The following SNX27 variants were observed in gnomAD, a reference collection of about 807,000 sequenced individuals.
SNX27 encodes sorting nexin-27.
SNX27 carries 22 observed loss-of-function variants against 71.6 expected under a neutral mutation model. The ratio of observed to expected loss-of-function variants is 0.31; its 90% CI spans 0.22 to 0.44. The LOEUF is 0.44. Among genes scored for constraint, SNX27 ranks in the 20% least tolerant of loss-of-function variants. The probability of loss-of-function intolerance (pLI) is 1.00; values close to 1 mark genes in which losing one functional copy is unlikely to be tolerated. For synonymous variants in SNX27, 269 were observed against 277.2 expected (o/e 0.97, Z 0.29); for missense variants, 531 against 698.6 (o/e 0.76, Z 2.70).
Position 151,634,188 on chromosome 1 carries a change from A to C in SNX27, c.312-4700A>C, listed in dbSNP as rs142277207. On this transcript the variant is annotated intron_variant, in intron 1 of 11. Coordinates refer to ENST00000458013, the MANE Select transcript of SNX27 (RefSeq NM_001330723.2). ...AGACATGTAGCCATTGTGTAGGCAT[A>C]TAGCCATCTACAAAATTGAAATGTA... 2.0e-5 allele frequency among the ~76,000 whole-genome samples: 3 copies of C among 152,340 alleles called. No individual in the cohort carries two copies. The East Asian group carries it at 5.8e-4, about 29-fold the overall frequency.
At chr1:151,626,817 G>A in intron 1 of SNX27, among the ~76,000 whole-genome samples, 1 of 152,154 alleles carries the variant, frequency 6.6e-6, no homozygotes, top group Middle Eastern at 3.2e-3. Flanking sequence ...TTGTATTTAG[G>A]CAGTTGCTAA....
rs949670727 is a variant in SNX27, at chr1:151,615,357, CT to C, written c.311+2856del. On this transcript the variant is annotated intron_variant, in intron 1 of 11. Coordinates refer to ENST00000458013, the MANE Select transcript of SNX27 (RefSeq NM_001330723.2). ...CAACTATACAGTGTCTTTCTCTTTTCTTTTTTTTTTTCTTCCTTTCTTCGAT... is the reference window on the plus strand; with the variant it reads ...CAACTATACAGTGTCTTTCTCTTTTCTTTTTTTTTTCTTCCTTTCTTCGAT... Among the ~76,000 whole-genome samples the C allele has an allele frequency of 1.3e-3, 195 of 147,198 alleles. 2 individuals are homozygous for C. Among genetic ancestry groups the C allele is most frequent in the African/African-American group, 4.3e-3 (175 of 40,402 alleles).
intron 5 of SNX27, chr1:151,662,501 G>C (rs748782902): frequency 7.4e-6 from 2 of 268,506 alleles, no homozygotes; most frequent in Non-Finnish European, 1.5e-5. Context: ...TTTTTTTTTG[G>C]AGATGGAGTG....
At chr1:151,648,667 C>T (rs1669176835) in intron 2 of SNX27, among the ~76,000 whole-genome samples, 1 of 152,140 alleles carries the variant, frequency 6.6e-6, no homozygotes, top group South Asian at 2.1e-4. Flanking sequence ...GATCTGCCCA[C>T]CTTGGCCTCC....
At chr1:151,680,716 C>A (rs1670906443) in intron 7 of SNX27, among the ~76,000 whole-genome samples, 2 of 152,196 alleles carry the variant, frequency 1.3e-5, no homozygotes, top group African/African-American at 4.8e-5. Context: ...AAAGCCTTTT[C>A]CCTGAGCTAA....
intron 2 of SNX27, among the ~76,000 whole-genome samples, chr1:151,646,907 A>G (rs1366609390): frequency 6.6e-6 from 1 of 151,542 alleles, no homozygotes; most frequent in African/African-American, 2.4e-5. Context: ...ACACACAAAC[A>G]AACACACACT....
chr1:151,646,842 CGT>C (rs1481906488), intron 2 of SNX27, among the ~76,000 whole-genome samples: 2 of 150,774 alleles, frequency 1.3e-5, no homozygotes, highest in African/African-American at 4.9e-5. Flanking sequence ...TGTGTGTGTG[CGT>C]GTGTCAAGGT....
Position 151,661,009 on chromosome 1 carries a change from A to G in SNX27, c.801+147A>G. 9.7e-6 allele frequency: 6 copies of G among 621,594 alleles called. No individual in the cohort carries two copies. In the South Asian group the frequency reaches 1.2e-4, roughly 12 times the overall value. The allele number at this position is 621,594 out of a possible 1,614,324, so 38.5% of individuals were successfully genotyped here. On this transcript the variant is annotated intron_variant, in intron 4 of 11. Transcript: ENST00000458013. Reference sequence around the variant, plus strand: ...CTTCCTTTTTATATGTATCCTACTTATCTATCCTTTAAGACCTAGGTCCAC... The same window carrying G: ...CTTCCTTTTTATATGTATCCTACTTGTCTATCCTTTAAGACCTAGGTCCAC...
chr1:151,625,690 C>T (rs538018676), intron 1 of SNX27, among the ~76,000 whole-genome samples: 8 of 149,630 alleles, frequency 5.3e-5, no homozygotes, highest in African/African-American at 1.5e-4. Context: ...CAAAAATTAG[C>T]GGGAGAATCA....
At chr1:151,670,244 G>A (rs1321449610) in intron 7 of SNX27, among the ~76,000 whole-genome samples, 1 of 152,098 alleles carries the variant, frequency 6.6e-6, no homozygotes, top group Non-Finnish European at 1.5e-5. Context: ...TTTTATGGCT[G>A]AATAGTACTC....
At chr1:151,652,178 G>A (rs376323273) in intron 2 of SNX27, among the ~76,000 whole-genome samples, 5 of 141,662 alleles carry the variant, frequency 3.5e-5, no homozygotes, top group African/African-American at 1.0e-4. Context: ...GAGGGAGACC[G>A]TGGAAAGAGA....
rs570019559 is a variant in SNX27 at position 151,614,899 on chromosome 1, G to A, written c.311+2387G>A. On this transcript the variant is annotated intron_variant, in intron 1 of 11. Coordinates refer to ENST00000458013, the MANE Select transcript of SNX27 (RefSeq NM_001330723.2). ...ATATGATCTATCTTTGCAGATACAC[G>A]CACACATCCCAACATACATAGTTAG... Among the ~76,000 whole-genome samples, 12 of 152,230 alleles carry A rather than the reference G, an allele frequency of 7.9e-5. No homozygotes were observed. The East Asian group carries it at 1.7e-3, about 22-fold the overall frequency.
chr1:151,631,884 C>G (rs1027440627), intron 1 of SNX27, among the ~76,000 whole-genome samples: 1 of 152,146 alleles, frequency 6.6e-6, no homozygotes, highest in Non-Finnish European at 1.5e-5. Context: ...CCATGTTGCT[C>G]AGGCTGTCTT....
At chr1:151,613,587 T>G (rs1184306850) in intron 1 of SNX27, among the ~76,000 whole-genome samples, 1 of 152,024 alleles carries the variant, frequency 6.6e-6, no homozygotes, top group Admixed American at 6.6e-5. Flanking sequence ...TAAGGCGCCT[T>G]CTGCTGCTGC....
At chr1:151,630,036 G>A (rs1449025867) in intron 1 of SNX27, among the ~76,000 whole-genome samples, 5 of 151,510 alleles carry the variant, frequency 3.3e-5, no homozygotes, top group South Asian at 2.1e-4. Flanking sequence ...GCTTGAACCC[G>A]GGAGGCGAAG....
chr1:151,630,402 A>G (rs994548794), intron 1 of SNX27, among the ~76,000 whole-genome samples: 10 of 152,126 alleles, frequency 6.6e-5, no homozygotes, highest in Non-Finnish European at 1.0e-4. Context: ...AATAATTAAG[A>G]TAATAATTTT....
chr1:151,683,921 C>A (rs149314622), intron 8 of SNX27, among the ~76,000 whole-genome samples: 2,841 of 152,276 alleles, frequency 0.019, 75 homozygotes, highest in African/African-American at 0.064. Context: ...CCTGCCTCGA[C>A]CTCCCAAAGT....
Position 151,695,408 on chromosome 1 carries a change from G to GC in SNX27, c.*993dup, listed in dbSNP as rs1235512683. On this transcript the variant is annotated 3_prime_UTR_variant, in exon 12 of 12. Coordinates refer to ENST00000458013, the MANE Select transcript of SNX27 (RefSeq NM_001330723.2). ...ATGGTAGTAATTTCCTGTTTTCCTT[G>GC]CCTTTTTTTTTTTTTTTTTTTTTTT... 3.6e-5 allele frequency: 4 copies of GC among 109,838 alleles called. No homozygotes were observed. The highest frequency in any genetic ancestry group is 1.4e-4 in the African/African-American group (4 of 27,694). 6.8% of individuals were successfully genotyped at this position (109,838 alleles called of 1,614,324 possible).
chr1:151,690,288 G>A (rs1216626147), intron 8 of SNX27, among the ~76,000 whole-genome samples: 1 of 152,128 alleles, frequency 6.6e-6, no homozygotes. Flanking sequence ...TTCCCCTCAG[G>A]AGATTTGTGT....
Sources: allele counts gnomAD v4.1 joint callset (sites outside exome capture counted in the v4.1 genomes callset), GRCh38; gene constraint gnomAD v4.1.1; transcripts MANE v1.5; gene names NCBI Gene and HGNC (gene_info 2026-07-23, HGNC 2026-07-21).